Variants in RNF216 observed in about 807,000 individuals in gnomAD.
RNF216 encodes the protein E3 ubiquitin-protein ligase RNF216.
A neutral mutation model predicts 110.8 loss-of-function variants in RNF216; 72 were observed. The observed-to-expected ratio is 0.65, with a 90% CI of 0.54 to 0.79. The LOEUF (loss-of-function observed/expected upper bound fraction) is 0.79. Ranked by LOEUF, RNF216 falls within the 30% of genes least tolerant of loss-of-function variation. The pLI is 0.00. For synonymous variants in RNF216, 495 were observed against 407.5 expected, an observed-to-expected ratio of 1.21 and a Z score of -2.59; for missense variants, 1,342 against 1,141.2, an observed-to-expected ratio of 1.18 and a Z score of -2.54.
At chr7:5,674,934 T>C (rs1460457980) in intron 13 of RNF216, among the ~76,000 whole-genome samples, 2 of 146,032 alleles carry the variant, frequency 1.4e-5, no homozygotes, top group African/African-American at 5.1e-5. Context: ...GAGGTGGAGG[T>C]TGCAGTGAGC....
intron 4 of RNF216, 124 bp from the exon 5 acceptor site, chr7:5,739,476 T>C (rs924608199): frequency 2.2e-6 from 2 of 907,146 alleles, no homozygotes; most frequent in African/African-American, 3.3e-5. Flanking sequence ...GTGAAGCAGG[T>C]CTGTGTGTGT....
At chr7:5,707,705 G>C (rs1792380755) in intron 13 of RNF216, among the ~76,000 whole-genome samples, 1 of 139,994 alleles carries the variant, frequency 7.1e-6, no homozygotes, top group Non-Finnish European at 1.5e-5. Context: ...AAGCTTTTCA[G>C]TGTGTGTGTG....
In RNF216 at chr7:5,716,775, C is replaced by T. The variant is rs1562423588; in HGVS notation, c.1645-9G>A. On this transcript the variant is annotated splice_polypyrimidine_tract_variant and intron_variant, in intron 9 of 16. Coordinates refer to ENST00000389902, the MANE Select transcript of RNF216 (RefSeq NM_207111.4). The stretch of plus-strand genomic sequence containing the variant: ...AGCAAAAAGTCTTCATGCTGAAGAA[C>T]AAAAAAGGCACACATTCAGACACAA... 1 of 1,599,984 alleles carries T rather than the reference C, an allele frequency of 6.3e-7. No individual in the cohort carries two copies. The highest frequency in any genetic ancestry group is 8.5e-7 in the Non-Finnish European group (1 of 1,172,740).
At chr7:5,730,911 T>A in intron 5 of RNF216, 94 bp from the exon 6 acceptor site, 1 of 1,536,350 alleles carries the variant, frequency 6.5e-7, no homozygotes, top group Non-Finnish European at 8.8e-7. Flanking sequence ...TAGTCCTTAG[T>A]CACACATTAC....
At chr7:5,684,719 T>G (rs1790869615) in intron 13 of RNF216, among the ~76,000 whole-genome samples, 1 of 152,078 alleles carries the variant, frequency 6.6e-6, no homozygotes, top group Admixed American at 6.5e-5. Flanking sequence ...GCAATTCCAG[T>G]GGGTGTTCAA....
At chr7:5,627,274 A>C (rs1786768849) in intron 15 of RNF216, among the ~76,000 whole-genome samples, 1 of 152,176 alleles carries the variant, frequency 6.6e-6, no homozygotes, top group African/African-American at 2.4e-5. Flanking sequence ...AGATATCCTG[A>C]AGGTGTCCCT....
intron 3 of RNF216, among the ~76,000 whole-genome samples, chr7:5,743,223 C>T (rs1355590251): frequency 6.6e-6 from 1 of 151,960 alleles, no homozygotes; most frequent in East Asian, 1.9e-4. Flanking sequence ...GATGGTACCA[C>T]AGCACTCCAG....
intron 9 of RNF216, 80 bp from the exon 10 acceptor site, chr7:5,716,846 C>A: frequency 9.0e-7 from 1 of 1,114,752 alleles, no homozygotes; most frequent in East Asian, 2.4e-5. Flanking sequence ...TTTCCATAAA[C>A]ATAACTCCAG....
At chr7:5,721,876 C>T (rs1990835) in intron 8 of RNF216, among the ~76,000 whole-genome samples, 149,944 of 152,392 alleles carry the variant, frequency 0.98, 73,783 homozygotes, top group African/African-American at 0.99. Context: ...ATATTAGACA[C>T]GTAAATGATC....
intron 15 of RNF216, among the ~76,000 whole-genome samples, chr7:5,633,880 CAT>C (rs1386895879): frequency 2.6e-5 from 4 of 152,200 alleles, no homozygotes; most frequent in African/African-American, 4.8e-5. Context: ...AGAAACAAAA[CAT>C]ACACAAACAT....
intron 3 of RNF216, among the ~76,000 whole-genome samples, chr7:5,742,368 G>A (rs1794804671): frequency 6.6e-6 from 1 of 151,806 alleles, no homozygotes; most frequent in South Asian, 2.1e-4. Context: ...TTTAACCTGA[G>A]ACTACTAAAA....
chr7:5,731,164 G>C (rs556169919), intron 5 of RNF216, among the ~76,000 whole-genome samples: 2 of 152,346 alleles, frequency 1.3e-5, no homozygotes, highest in African/African-American at 4.8e-5. Context: ...GCTACTCTTT[G>C]TCGAGAAAAC....
At chr7:5,764,617 C>G (rs1042836849) in intron 1 of RNF216, among the ~76,000 whole-genome samples, 90 of 150,796 alleles carry the variant, frequency 6.0e-4, no homozygotes, top group South Asian at 1.1e-3. Context: ...CACTACACTC[C>G]AGCCTGGGCA....
At chr7:5,628,365 T>C (rs1441127737) in intron 15 of RNF216, among the ~76,000 whole-genome samples, 2 of 152,194 alleles carry the variant, frequency 1.3e-5, no homozygotes, top group African/African-American at 4.8e-5. Context: ...CAGTTATACC[T>C]AGATATAGGG....
Position 5,648,084 on chromosome 7 carries a change from G to T in RNF216, c.2159+4329C>A, listed in dbSNP as rs1306555814. Among the ~76,000 whole-genome samples the T allele has an allele frequency of 2.6e-5, 4 of 151,870 alleles. No homozygotes were observed. The East Asian group carries it at 7.8e-4, about 30-fold the overall frequency. ...GTTCTCACCAAAAACCTTTGAGTGA[G>T]AACCTAATCAAGCCTTTAGCTCTAT... is the stretch of plus-strand genomic sequence containing the variant. On this transcript the variant is annotated intron_variant, in intron 14 of 16. Coordinates refer to ENST00000389902, the MANE Select transcript of RNF216 (RefSeq NM_207111.4).
intron 5 of RNF216, among the ~76,000 whole-genome samples, chr7:5,732,079 C>G (rs558022889): frequency 6.6e-6 from 1 of 152,292 alleles, no homozygotes; most frequent in Admixed American, 6.5e-5. Flanking sequence ...CGGAACACAA[C>G]GCCTGAGGCC....
At chr7:5,625,345 T>C (rs1406072914) in intron 15 of RNF216, among the ~76,000 whole-genome samples, 3 of 152,250 alleles carry the variant, frequency 2.0e-5, no homozygotes, top group Non-Finnish European at 4.4e-5. Flanking sequence ...AGCAGTCTAA[T>C]GAAAGCACAT....
At position 5,627,994 on chromosome 7, in the gene RNF216, G is replaced by A. The variant is rs577896555; in HGVS notation, c.2383-3869C>T. 2.3e-3 allele frequency among the ~76,000 whole-genome samples: 344 copies of A among 152,256 alleles called. 1 individual carries two copies. Among genetic ancestry groups the A allele is most frequent in the Non-Finnish European group, 4.0e-3 (274 of 68,018 alleles). On this transcript the variant is annotated intron_variant, in intron 15 of 16. Coordinates refer to ENST00000389902, the MANE Select transcript of RNF216 (RefSeq NM_207111.4). ...GGGTCTGAGGCACCTGCATAGGAGC[G>A]CGAGCCCAGGTTTCTGATACAGATC... is the stretch of plus-strand genomic sequence containing the variant.
At chr7:5,636,249 C>T (rs867607318) in intron 15 of RNF216, among the ~76,000 whole-genome samples, 1 of 152,210 alleles carries the variant, frequency 6.6e-6, no homozygotes. Flanking sequence ...TTCCACTCTG[C>T]TCCCTAATCC....
Sources: gnomAD v4.1 joint callset for allele counts (sites outside exome capture counted in the v4.1 genomes callset) on GRCh38, gnomAD v4.1.1 for gene constraint, MANE v1.5 for transcripts, NCBI Gene and HGNC (gene_info 2026-07-23, HGNC 2026-07-21) for gene names.